The following SREK1 variants were observed in gnomAD, a reference collection of about 807,000 sequenced individuals.
SREK1 encodes the protein splicing regulatory glutamic acid and lysine rich protein 1.
In SREK1, 13 loss-of-function variants were observed where a neutral mutation model predicts 66.5. The observed-to-expected ratio is 0.20, with a 90% CI of 0.13 to 0.31. SREK1 has a LOEUF of 0.31. Ranked by LOEUF, SREK1 falls within the 10% of genes least tolerant of loss-of-function variation. SREK1 has a pLI of 1.00. For synonymous variants in SREK1, 265 were observed against 263.5 expected, an observed-to-expected ratio of 1.01 and a Z score of -0.05; for missense variants, 607 against 769.6, an observed-to-expected ratio of 0.79 and a Z score of 2.50.
intron 2 of SREK1, chr5:66,157,739 A>G: frequency 1.1e-6 from 1 of 921,852 alleles, no homozygotes. Flanking sequence ...TTTTGAAAGT[A>G]ATAAAGTAAT....
rs1364520875 is a variant in SREK1, at chr5:66,182,587, CAG to C, written c.*3720_*3721del. On this transcript the variant is annotated 3_prime_UTR_variant, in exon 12 of 12. Transcript: ENST00000334121. The stretch of plus-strand genomic sequence containing the variant: ...ATTATTATTACTTTTCTTTTTGAGA[CAG>C]GGTCTCACTCTGTCACTCAGGCTGG... 1 of 152,014 alleles carries C rather than the reference CAG, an allele frequency of 6.6e-6. No individual in the cohort carries two copies. The highest frequency in any genetic ancestry group is 2.4e-5 in the African/African-American group (1 of 41,360). 9.4% of individuals were successfully genotyped at this position (152,014 alleles called of 1,614,324 possible). A position where few individuals can be genotyped will look rare whatever the true frequency, so the allele number is the denominator to read the frequency against.
intron 9 of SREK1, among the ~76,000 whole-genome samples, chr5:66,172,824 ATTTTTT>A (rs762670649): frequency 2.5e-5 from 3 of 118,234 alleles, no homozygotes. Flanking sequence ...ATTTCTTTGA[ATTTTTT>A]TTTTTTTTTT....
rs191572979 is a variant in SREK1, at chr5:66,170,184, A to G, written c.1121+14A>G. ...TTCGCATTCACGGTGAGTTTTAGAG[A>G]AATTAACAATAATTTTTTTTTCCTC... On this transcript the variant is annotated intron_variant, in intron 8 of 11. Transcript: ENST00000334121. 5 of 1,598,840 alleles carry G rather than the reference A, an allele frequency of 3.1e-6. No individual in the cohort carries two copies. The East Asian group carries it at 1.1e-4, about 36-fold the overall frequency.
At chr5:66,161,535 T>C (rs780897823) in intron 3 of SREK1, among the ~76,000 whole-genome samples, 7 of 152,212 alleles carry the variant, frequency 4.6e-5, no homozygotes, top group Non-Finnish European at 7.4e-5. Flanking sequence ...AACTGCTGTG[T>C]AGTGTTCCTA....
chr5:66,155,998 G>T, intron 2 of SREK1: 1 of 1,532,156 alleles, frequency 6.5e-7, no homozygotes, highest in South Asian at 1.2e-5. Flanking sequence ...ACATTTTCTG[G>T]TAGATGGATT....
intron 6 of SREK1, 60 bp downstream of exon 6, chr5:66,163,982 G>A: frequency 1.3e-6 from 2 of 1,532,970 alleles, no homozygotes; most frequent in East Asian, 2.3e-5. Context: ...CTTAGAACTG[G>A]AAGGAATTTT....
At chr5:66,148,720 C>T (rs1025231223) in intron 1 of SREK1, among the ~76,000 whole-genome samples, 1 of 152,152 alleles carries the variant, frequency 6.6e-6, no homozygotes, top group African/African-American at 2.4e-5. Flanking sequence ...CTTTGGCATC[C>T]TAAAGTGCTG....
intron 1 of SREK1, among the ~76,000 whole-genome samples, chr5:66,147,937 C>T (rs889013177): frequency 6.6e-6 from 1 of 151,880 alleles, no homozygotes; most frequent in Admixed American, 6.6e-5. Context: ...TTCCATATTG[C>T]TGTCTTATTT....
intron 1 of SREK1, among the ~76,000 whole-genome samples, chr5:66,153,048 T>C (rs1489425776): frequency 6.6e-6 from 1 of 152,258 alleles, no homozygotes; most frequent in Non-Finnish European, 1.5e-5. Context: ...TTTTTAGTGA[T>C]GTAAATGCTT....
rs908170174 is a variant in SREK1 at position 66,181,355 on chromosome 5, C to T, written c.*2487C>T. On this transcript the variant is annotated 3_prime_UTR_variant, in exon 12 of 12. Transcript: ENST00000334121. ...CTGTTTGAGACATACTTTCTCTGTT[C>T]ACTTAAAAGAGCTCATGTTTTCATT... 5 of 152,278 alleles carry T rather than the reference C, an allele frequency of 3.3e-5. No homozygotes were observed. The highest frequency in any genetic ancestry group is 2.6e-4 in the Admixed American group (4 of 15,292). The allele number at this position is 152,278 out of a possible 1,614,324, so 9.4% of individuals were successfully genotyped here. A position where few individuals can be genotyped will look rare whatever the true frequency, so the allele number is the denominator to read the frequency against.
chr5:66,149,875 T>G (rs1743616586), intron 1 of SREK1, among the ~76,000 whole-genome samples: 1 of 152,188 alleles, frequency 6.6e-6, no homozygotes, highest in Non-Finnish European at 1.5e-5. Flanking sequence ...AAATAAAGAT[T>G]GTAGTACAGC....
chr5:66,154,000 A>G (rs1006236437), intron 2 of SREK1, among the ~76,000 whole-genome samples: 2 of 152,202 alleles, frequency 1.3e-5, no homozygotes, highest in East Asian at 3.8e-4. Flanking sequence ...GTTAAGTGAT[A>G]TTTATAAGAA....
At position 66,164,911 on chromosome 5, in the gene SREK1, C is replaced by A; in HGVS notation, c.1001+14C>A. ...ATCAAAACACAGGTGAGAATTTCTGCTGTCATATTTAAATTTTATTTTAGT... is the reference window on the plus strand; with the variant it reads ...ATCAAAACACAGGTGAGAATTTCTGATGTCATATTTAAATTTTATTTTAGT... On this transcript the variant is annotated intron_variant, in intron 7 of 11. Coordinates refer to ENST00000334121, the MANE Select transcript of SREK1 (RefSeq NM_001077199.3). 2 of 1,593,136 alleles carry A rather than the reference C, an allele frequency of 1.3e-6. No homozygotes were observed. Among genetic ancestry groups the A allele is most frequent in the Non-Finnish European group, 1.7e-6 (2 of 1,169,346 alleles).
At chr5:66,177,432 TG>T in intron 10 of SREK1, 81 bp from the exon 11 acceptor site, 1 of 1,118,832 alleles carries the variant, frequency 8.9e-7, no homozygotes, top group Non-Finnish European at 1.2e-6. Context: ...AGATATCCAG[TG>T]TTAGAAAAGG....
At chr5:66,161,721 AT>A (rs1325162652) in intron 3 of SREK1, among the ~76,000 whole-genome samples, 17 of 152,312 alleles carry the variant, frequency 1.1e-4, no homozygotes, top group Admixed American at 1.0e-3. Flanking sequence ...AAGGTTAAAT[AT>A]TTTACTAGTT....
intron 1 of SREK1, chr5:66,144,947 A>C (rs1245312575): frequency 1.0e-6 from 1 of 990,510 alleles, no homozygotes; most frequent in Non-Finnish European, 1.2e-6. Context: ...CCTGAGCCAC[A>C]GTCCAGTTTT....
rs1334321740 is a variant in SREK1 at position 66,183,334 on chromosome 5, A to T, written c.*4466A>T. The T allele has an allele frequency of 6.6e-6, 1 of 152,196 alleles. No homozygotes were observed. The highest frequency in any genetic ancestry group is 2.4e-5 in the African/African-American group (1 of 41,452). 9.4% of individuals were successfully genotyped at this position (152,196 alleles called of 1,614,324 possible). The stretch of plus-strand genomic sequence containing the variant: ...TAACACACTGTTGGGGAATAAACTA[A>T]AGAATTTCTGATTTCTACAATAGAT... On this transcript the variant is annotated 3_prime_UTR_variant, in exon 12 of 12. Coordinates refer to ENST00000334121, the MANE Select transcript of SREK1 (RefSeq NM_001077199.3).
At chr5:66,150,422 G>T (rs1252832668) in intron 1 of SREK1, among the ~76,000 whole-genome samples, 2 of 152,180 alleles carry the variant, frequency 1.3e-5, no homozygotes, top group Non-Finnish European at 1.5e-5. Flanking sequence ...CATATATGAA[G>T]ACCCATATGT....
chr5:66,159,727 T>C lies in SREK1; in HGVS notation c.411+393T>C, dbSNP rs552146203. Among the ~76,000 whole-genome samples, 145 of 152,204 alleles carry C rather than the reference T, an allele frequency of 9.5e-4. 1 individual carries two copies. Among genetic ancestry groups the C allele is most frequent in the Non-Finnish European group, 1.8e-3 (123 of 68,032 alleles). Reference sequence around the variant, plus strand: ...GAAAAAAACAGGTCTTTGTCTGATATTGAGAAAATGTAATAAGGTGAAAAC... The same window carrying C: ...GAAAAAAACAGGTCTTTGTCTGATACTGAGAAAATGTAATAAGGTGAAAAC... On this transcript the variant is annotated intron_variant, in intron 3 of 11. Transcript: ENST00000334121.
Sources: gnomAD v4.1 joint callset for allele counts (sites outside exome capture counted in the v4.1 genomes callset) on GRCh38, gnomAD v4.1.1 for gene constraint, MANE v1.5 for transcripts, NCBI Gene and HGNC (gene_info 2026-07-23, HGNC 2026-07-21) for gene names.